The following DAPK2 variants were observed in gnomAD, a reference collection of about 807,000 sequenced individuals.
The protein encoded by DAPK2 is death associated protein kinase 2, also known as death-associated protein kinase 2.
A neutral mutation model predicts 44.1 loss-of-function variants in DAPK2; 35 were observed. That is an observed-to-expected ratio of 0.79 (90% confidence interval 0.61 to 1.05). The LOEUF is 1.05. Ranked by LOEUF, DAPK2 falls within the 50% of genes least tolerant of loss-of-function variation. The pLI, the probability that DAPK2 is intolerant of heterozygous loss-of-function variation, is 0.00. For synonymous variants in DAPK2, 174 were observed against 182.6 expected (o/e 0.95, Z 0.38); for missense variants, 453 against 483.2 (o/e 0.94, Z 0.59).
At chr15:64,000,935 A>G (rs957884907) in intron 1 of DAPK2, among the ~76,000 whole-genome samples, 16 of 151,852 alleles carry the variant, frequency 1.1e-4, no homozygotes, top group South Asian at 2.1e-4. Context: ...GCTGGAGTGC[A>G]ATGGTGTGAT....
intron 1 of DAPK2, among the ~76,000 whole-genome samples, chr15:64,036,344 T>TACAC (rs2080210144): frequency 7.4e-6 from 1 of 135,078 alleles, no homozygotes; most frequent in East Asian, 2.3e-4. Context: ...TATACATATA[T>TACAC]ATATATATAT....
chr15:64,030,849 C>A (rs2079991079), intron 1 of DAPK2, among the ~76,000 whole-genome samples: 1 of 152,072 alleles, frequency 6.6e-6, no homozygotes, highest in Admixed American at 6.5e-5. Flanking sequence ...ATGCCTATAG[C>A]CCTAGCTACT....
chr15:63,982,473 C>T (rs1183652698), intron 2 of DAPK2, among the ~76,000 whole-genome samples: 1 of 152,060 alleles, frequency 6.6e-6, no homozygotes, highest in Non-Finnish European at 1.5e-5. Flanking sequence ...CAGGCATGAG[C>T]CACTGCACCA....
At chr15:63,985,943 GCAGGCCCACTGCA>G (rs1293986998) in intron 1 of DAPK2, among the ~76,000 whole-genome samples, 1 of 152,202 alleles carries the variant, frequency 6.6e-6, no homozygotes, top group African/African-American at 2.4e-5. Flanking sequence ...GGTGACCGGG[GCAGGCCCACTGCA>G]CAGGCATCTT....
At chr15:63,958,779 A>T (rs2077801288) in intron 3 of DAPK2, among the ~76,000 whole-genome samples, 2 of 152,230 alleles carry the variant, frequency 1.3e-5, no homozygotes. Flanking sequence ...GTTTGAAGTC[A>T]GGTAGCATGA....
chr15:63,916,600 T>C lies in DAPK2; in HGVS notation c.859-4403A>G, dbSNP rs2078935585. 6.6e-6 allele frequency: 1 copy of C among 152,212 alleles called. No individual in the cohort carries two copies. Among genetic ancestry groups the C allele is most frequent in the African/African-American group, 2.4e-5 (1 of 41,414 alleles). The allele number at this position is 152,212 out of a possible 1,614,324, so 9.4% of individuals were successfully genotyped here. ...CCTGTTTTCCCAGGAAAGGAGCACA[T>C]GGGGCTTGTGGGAGGCTTGAGGCTC... is the stretch of plus-strand genomic sequence containing the variant. On this transcript the variant is annotated intron_variant, in intron 8 of 10. Transcript: ENST00000261891. This position sits in a 1 kb window ranked among gnomAD's most constrained non-coding sequence, Gnocchi z 4.7.
At position 63,923,178 on chromosome 15, in the gene DAPK2, C is replaced by T; in HGVS notation, c.858+1638G>A. 6.5e-7 allele frequency: 1 copy of T among 1,535,878 alleles called. No homozygotes were observed. The highest frequency in any genetic ancestry group is 2.4e-5 in the East Asian group (1 of 40,908). ...ACCAGGGCACGGCATCCCAGGTCGA[C>T]CCGAGCCACGTCTTCCACCACACAG... is the stretch of plus-strand genomic sequence containing the variant. On this transcript the variant is annotated intron_variant, in intron 8 of 10. Transcript: ENST00000261891. This position sits in a 1 kb window ranked among gnomAD's most constrained non-coding sequence, Gnocchi z 4.2.
intron 1 of DAPK2, among the ~76,000 whole-genome samples, chr15:64,028,810 G>A (rs1410256952): frequency 6.6e-6 from 1 of 152,026 alleles, no homozygotes; most frequent in Admixed American, 6.6e-5. Context: ...AAAGAAGGAA[G>A]GAGGAAAGGA....
chr15:63,993,057 AC>A (rs779429295), intron 1 of DAPK2, among the ~76,000 whole-genome samples: 8 of 152,106 alleles, frequency 5.3e-5, no homozygotes, highest in Non-Finnish European at 8.8e-5. Flanking sequence ...GGTAAAGTGA[AC>A]CATTCATGTT....
At position 63,966,956 on chromosome 15, in the gene DAPK2, G is replaced by A. The variant is rs1052154836; in HGVS notation, c.453+4467C>T. 1.8e-4 allele frequency among the ~76,000 whole-genome samples: 27 copies of A among 152,208 alleles called. No homozygotes were observed. Among genetic ancestry groups the A allele is most frequent in the African/African-American group, 6.0e-4 (25 of 41,526 alleles). On this transcript the variant is annotated intron_variant, in intron 3 of 10. Transcript: ENST00000261891. The surrounding 1 kb of genome is among the most constrained non-coding windows in gnomAD (Gnocchi z 5.5). ...AGCACTTTGGGAGGCCGAGGTGGGC[G>A]GATCACGAGTCAGGAGATGGAGACC...
intron 2 of DAPK2, among the ~76,000 whole-genome samples, chr15:63,978,370 T>A (rs2078412771): frequency 6.6e-6 from 1 of 152,160 alleles, no homozygotes; most frequent in South Asian, 2.1e-4. Flanking sequence ...AAATGCTGCA[T>A]CAGTGTAAAA....
chr15:64,015,702 GA>G (rs1334590259), intron 1 of DAPK2, among the ~76,000 whole-genome samples: 4 of 152,186 alleles, frequency 2.6e-5, no homozygotes, highest in Admixed American at 2.6e-4. Context: ...GGCAGGCAGA[GA>G]TTAGACAGAA....
intron 3 of DAPK2, among the ~76,000 whole-genome samples, chr15:63,951,549 C>T (rs1361322659): frequency 1.3e-5 from 2 of 152,136 alleles, no homozygotes; most frequent in Non-Finnish European, 2.9e-5. Context: ...AGACAGAGAG[C>T]GCACTCCTTG....
intron 3 of DAPK2, among the ~76,000 whole-genome samples, chr15:63,941,982 C>T (rs2077321615): frequency 6.6e-6 from 1 of 152,238 alleles, no homozygotes; most frequent in Non-Finnish European, 1.5e-5. Flanking sequence ...CTCCTCTCCT[C>T]CAGGGAAAAG....
At chr15:64,016,851 GGAAGGAAGGAAGGAAGGAAGGAA>G (rs2079544032) in intron 1 of DAPK2, among the ~76,000 whole-genome samples, 1 of 47,208 alleles carries the variant, frequency 2.1e-5, no homozygotes, top group African/African-American at 6.8e-5. Flanking sequence ...AAGGAAGGAA[GGAAGGAAGGAAGGAAGGAAGGAA>G]GGAAGGAAGG....
intron 4 of DAPK2, among the ~76,000 whole-genome samples, chr15:63,931,434 C>T (rs193235153): frequency 1.3e-5 from 2 of 152,260 alleles, no homozygotes; most frequent in African/African-American, 4.8e-5. Flanking sequence ...AGAAATGGGG[C>T]CTCGGCTATG....
intron 1 of DAPK2, among the ~76,000 whole-genome samples, chr15:63,994,120 C>G (rs1453958414): frequency 6.6e-6 from 1 of 152,164 alleles, no homozygotes. Flanking sequence ...AAGAAATGAC[C>G]TGGGCATTCA....
chr15:63,934,389 C>T (rs1198349071), intron 4 of DAPK2, among the ~76,000 whole-genome samples: 18 of 150,194 alleles, frequency 1.2e-4, no homozygotes, highest in African/African-American at 3.4e-4. Context: ...CCCAAGTAGC[C>T]GGGATTACAG....
intron 3 of DAPK2, among the ~76,000 whole-genome samples, chr15:63,951,480 A>G (rs987148649): frequency 5.9e-5 from 9 of 152,302 alleles, no homozygotes; most frequent in Admixed American, 1.3e-4. Context: ...ACCTACCCAC[A>G]TCAGCAGGCT....
Sources: gnomAD v4.1 joint callset for allele counts (sites outside exome capture counted in the v4.1 genomes callset) on GRCh38, gnomAD v4.1.1 for gene constraint, Gnocchi (gnomAD v3.1) non-coding constraint, MANE v1.5 for transcripts, NCBI Gene and HGNC (gene_info 2026-07-23, HGNC 2026-07-21) for gene names.